The following KCNH5 variants were observed in gnomAD, a reference collection of about 807,000 sequenced individuals.
KCNH5 encodes potassium voltage-gated channel subfamily H member 5, also known as voltage-gated delayed rectifier potassium channel KCNH5.
In KCNH5, 46 loss-of-function variants were observed where a neutral mutation model predicts 96.1. That is an observed-to-expected ratio of 0.48 (90% confidence interval 0.38 to 0.61). The LOEUF is 0.61. Among genes scored for constraint, KCNH5 ranks in the 20% least tolerant of loss-of-function variants. The probability of loss-of-function intolerance (pLI) is 0.00; values close to 1 mark genes in which losing one functional copy is unlikely to be tolerated. For synonymous variants in KCNH5, 439 were observed against 449.8 expected, an observed-to-expected ratio of 0.98 and a Z score of 0.30; for missense variants, 907 against 1,225.8, an observed-to-expected ratio of 0.74 and a Z score of 3.88.
intron 8 of KCNH5, among the ~76,000 whole-genome samples, chr14:62,823,447 A>G (rs958213805): frequency 3.3e-5 from 5 of 152,008 alleles, no homozygotes; most frequent in African/African-American, 1.2e-4. Flanking sequence ...TGAGTAATGG[A>G]GTCATGGTGA....
intron 8 of KCNH5, among the ~76,000 whole-genome samples, chr14:62,835,905 A>G (rs1887456901): frequency 6.6e-6 from 1 of 152,038 alleles, no homozygotes. Flanking sequence ...CTTCCTCTGT[A>G]CATTTGTAGG....
chr14:62,978,917 G>A (rs1189086427), intron 6 of KCNH5, among the ~76,000 whole-genome samples: 1 of 152,104 alleles, frequency 6.6e-6, no homozygotes, highest in Non-Finnish European at 1.5e-5. Flanking sequence ...TTTGTGGTGA[G>A]AACACTTTAC....
At chr14:62,872,870 A>T in intron 7 of KCNH5, among the ~76,000 whole-genome samples, 1 of 152,038 alleles carries the variant, frequency 6.6e-6, no homozygotes, top group Non-Finnish European at 1.5e-5. Flanking sequence ...AATGACAGAA[A>T]AAAGAAGAGA....
At chr14:62,965,113 A>G (rs180740689) in intron 6 of KCNH5, among the ~76,000 whole-genome samples, 4 of 152,268 alleles carry the variant, frequency 2.6e-5, no homozygotes, top group Non-Finnish European at 5.9e-5. Context: ...GCATAAAATC[A>G]AGTAAGGGAT....
chr14:62,885,172 C>T (rs1049985851), intron 7 of KCNH5, among the ~76,000 whole-genome samples: 13 of 152,094 alleles, frequency 8.5e-5, no homozygotes, highest in Admixed American at 2.6e-4. Flanking sequence ...TTTTAAAAAA[C>T]ATAATTAAGA....
At chr14:62,919,982 T>C (rs1889350054) in intron 7 of KCNH5, among the ~76,000 whole-genome samples, 1 of 152,130 alleles carries the variant, frequency 6.6e-6, no homozygotes, top group African/African-American at 2.4e-5. Flanking sequence ...TCAATTACTT[T>C]GACAAATCAA....
At chr14:62,740,054 C>A (rs1885239156) in intron 10 of KCNH5, among the ~76,000 whole-genome samples, 1 of 152,104 alleles carries the variant, frequency 6.6e-6, no homozygotes, top group Non-Finnish European at 1.5e-5. Context: ...AGTTAAGCTG[C>A]TTTTCCTTCC....
chr14:62,918,879 T>A (rs1301172312), intron 7 of KCNH5, among the ~76,000 whole-genome samples: 1 of 152,114 alleles, frequency 6.6e-6, no homozygotes, highest in African/African-American at 2.4e-5. Context: ...TAGGTAATTG[T>A]CCATGTACCA....
intron 2 of KCNH5, among the ~76,000 whole-genome samples, chr14:63,016,207 T>C (rs545760073): frequency 6.6e-6 from 1 of 152,108 alleles, no homozygotes; most frequent in East Asian, 1.9e-4. Context: ...AGGTTCTAAA[T>C]TAGTTCCTTA....
chr14:63,029,831 T>G (rs915781638), intron 1 of KCNH5, among the ~76,000 whole-genome samples: 2 of 151,984 alleles, frequency 1.3e-5, no homozygotes, highest in Non-Finnish European at 2.9e-5. Flanking sequence ...GTCATGAAAA[T>G]TCTTATTACA....
chr14:62,846,946 G>A (rs900117569), intron 8 of KCNH5, among the ~76,000 whole-genome samples: 5 of 148,166 alleles, frequency 3.4e-5, no homozygotes, highest in East Asian at 2.0e-4. Flanking sequence ...GACTACAGGC[G>A]CCCGCCAGCA....
chr14:62,727,407 G>C (rs951827761), intron 10 of KCNH5, among the ~76,000 whole-genome samples: 2 of 152,038 alleles, frequency 1.3e-5, no homozygotes, highest in Non-Finnish European at 2.9e-5. Context: ...TTGCATAGGA[G>C]TGTGTAGTGA....
At chr14:63,014,707 G>A (rs561608204) in intron 2 of KCNH5, among the ~76,000 whole-genome samples, 3 of 152,220 alleles carry the variant, frequency 2.0e-5, no homozygotes, top group Middle Eastern at 3.4e-3. Context: ...AAGGCCAAAT[G>A]ATGATGCCAA....
intron 7 of KCNH5, among the ~76,000 whole-genome samples, chr14:62,859,513 C>A (rs1811010325): frequency 6.6e-6 from 1 of 152,214 alleles, no homozygotes; most frequent in African/African-American, 2.4e-5. Flanking sequence ...AATATCTTCA[C>A]AGTTTTTGAC....
At chr14:62,935,371 A>G (rs1889659116) in intron 7 of KCNH5, among the ~76,000 whole-genome samples, 1 of 152,200 alleles carries the variant, frequency 6.6e-6, no homozygotes, top group South Asian at 2.1e-4. Context: ...GCTCCATTTT[A>G]GTTAGAAAGA....
chr14:62,905,708 T>G (rs1400791628), intron 7 of KCNH5, among the ~76,000 whole-genome samples: 1 of 152,238 alleles, frequency 6.6e-6, no homozygotes, highest in East Asian at 1.9e-4. Flanking sequence ...AGGGAAGCAG[T>G]GTTACTGAAG....
At chr14:62,856,097 A>T (rs1479163775) in intron 7 of KCNH5, among the ~76,000 whole-genome samples, 2 of 152,188 alleles carry the variant, frequency 1.3e-5, no homozygotes, top group Non-Finnish European at 2.9e-5. Context: ...AATATAGTTT[A>T]TTTCTCGGGG....
intron 2 of KCNH5, among the ~76,000 whole-genome samples, chr14:63,014,414 C>T (rs541212117): frequency 1.6e-4 from 25 of 152,230 alleles, no homozygotes; most frequent in African/African-American, 6.0e-4. Context: ...ACTTTTAAGG[C>T]ACTTACAATC....
chr14:62,817,007 T>C (rs1241258436), intron 8 of KCNH5, among the ~76,000 whole-genome samples: 3 of 148,380 alleles, frequency 2.0e-5, no homozygotes, highest in East Asian at 2.0e-4. Context: ...TGTGACTTTA[T>C]TTATTGAACT....
Sources: allele counts gnomAD v4.1 joint callset (sites outside exome capture counted in the v4.1 genomes callset), GRCh38; gene constraint gnomAD v4.1.1; transcripts MANE v1.5; gene names NCBI Gene and HGNC (gene_info 2026-07-23, HGNC 2026-07-21).